CLCA4: variants seen among roughly 807,000 people sequenced by gnomAD.
CLCA4 encodes the protein calcium-activated chloride channel regulator 4.
Under a neutral mutation model 78.9 loss-of-function variants are expected in CLCA4, and 69 were observed. The ratio of observed to expected loss-of-function variants is 0.87; its 90% confidence interval spans 0.72 to 1.07. CLCA4 has a LOEUF of 1.07. Among genes scored for constraint, CLCA4 ranks in the 50% least tolerant of loss-of-function variants. The pLI, the probability that CLCA4 is intolerant of heterozygous loss-of-function variation, is 0.00. For missense variants in CLCA4, 1,133 were observed against 1,095.8 expected, an observed-to-expected ratio of 1.03 and a Z score of -0.48; for synonymous variants, 362 against 375.8, an observed-to-expected ratio of 0.96 and a Z score of 0.42.
intron 11 of CLCA4, among the ~76,000 whole-genome samples, chr1:86,576,170 G>GT (rs1040039403): frequency 6.6e-6 from 1 of 151,368 alleles, no homozygotes; most frequent in African/African-American, 2.4e-5. Context: ...TGTTTTTTTT[G>GT]TTTTTTTGAG....
chr1:86,547,887 C>T (rs990376383), intron 1 of CLCA4, among the ~76,000 whole-genome samples: 4 of 152,176 alleles, frequency 2.6e-5, no homozygotes, highest in African/African-American at 9.7e-5. Flanking sequence ...AGGTTGACTT[C>T]ACATCTTGGC....
rs151018989 is a variant in CLCA4, at chr1:86,561,190, C to G, written c.448+832C>G. ...TTCCATCATCTCCTCATGTCCCAAT[C>G]TTACCTCTTCCCTGTAATTATCCTG... is the stretch of plus-strand genomic sequence containing the variant. On this transcript the variant is annotated intron_variant, in intron 3 of 13. Transcript: ENST00000370563. Among the ~76,000 whole-genome samples the G allele has an allele frequency of 2.0e-5, 3 of 152,304 alleles. No homozygotes were observed. The East Asian group carries it at 5.8e-4, about 29-fold the overall frequency.
chr1:86,563,492 T>C (rs979644579), intron 3 of CLCA4, among the ~76,000 whole-genome samples, 169 bp from the exon 4 acceptor site: 7 of 152,072 alleles, frequency 4.6e-5, no homozygotes, highest in Admixed American at 3.9e-4. Context: ...TAGCATAATA[T>C]AATGTAATTT....
Position 86,566,087 on chromosome 1 carries a change from G to A in CLCA4, c.954+67G>A, listed in dbSNP as rs2231594. On this transcript the variant is annotated intron_variant, in intron 6 of 13. Coordinates refer to ENST00000370563, the MANE Select transcript of CLCA4 (RefSeq NM_012128.4). ...AAGATCCGAGAACACACTGAACTCT[G>A]TCTGCACCTAGATTGTTCTAAATTG... is the stretch of plus-strand genomic sequence containing the variant. The A allele has an allele frequency of 1.4e-4, 194 of 1,370,528 alleles. 1 individual carries two copies. The highest frequency in any genetic ancestry group is 1.8e-4 in the Non-Finnish European group (175 of 988,072). The allele number at this position is 1,370,528 out of a possible 1,614,324, so 84.9% of individuals were successfully genotyped here. A position where few individuals can be genotyped will look rare whatever the true frequency, so the allele number is the denominator to read the frequency against.
intron 1 of CLCA4, chr1:86,552,730 G>T: frequency 1.4e-6 from 2 of 1,429,704 alleles, no homozygotes; most frequent in Non-Finnish European, 2.0e-6. Context: ...CTTCACAGGG[G>T]CCCGGCCCGG....
At chr1:86,559,568 C>T (rs956013287) in intron 1 of CLCA4, among the ~76,000 whole-genome samples, 5 of 152,108 alleles carry the variant, frequency 3.3e-5, no homozygotes, top group Admixed American at 6.6e-5. Context: ...AACTGAGATT[C>T]GGAGCATTGC....
intron 1 of CLCA4, among the ~76,000 whole-genome samples, chr1:86,559,027 G>A (rs1649934841): frequency 6.6e-6 from 1 of 151,584 alleles, no homozygotes; most frequent in African/African-American, 2.4e-5. Context: ...ATTGTGTCTT[G>A]GGGATGATCT....
intron 4 of CLCA4, 88 bp downstream of exon 4, chr1:86,563,857 T>C (rs2101802485): frequency 6.0e-6 from 4 of 669,156 alleles, no homozygotes; most frequent in Non-Finnish European, 1.0e-5. Context: ...TCATTCTTAA[T>C]GCAGACAATA....
At chr1:86,547,414 G>T in intron 1 of CLCA4, 136 bp downstream of exon 1, 1 of 621,484 alleles carries the variant, frequency 1.6e-6, no homozygotes, top group Non-Finnish European at 2.5e-6. Flanking sequence ...GATCAAATCA[G>T]GGTAATTAGC....
At chr1:86,575,626 C>G (rs1469616389) in intron 11 of CLCA4, 27 bp downstream of exon 11, 9 of 1,596,508 alleles carry the variant, frequency 5.6e-6, no homozygotes, top group Non-Finnish European at 7.7e-6. Flanking sequence ...TATGAATAAG[C>G]CAATATTTTC....
At chr1:86,561,645 A>T (rs1650022168) in intron 3 of CLCA4, among the ~76,000 whole-genome samples, 1 of 152,172 alleles carries the variant, frequency 6.6e-6, no homozygotes, top group South Asian at 2.1e-4. Context: ...TTGATAAAAC[A>T]GAGGTCTCTA....
chr1:86,561,774 T>C (rs1320122176), intron 3 of CLCA4, among the ~76,000 whole-genome samples: 1 of 152,124 alleles, frequency 6.6e-6, no homozygotes, highest in Non-Finnish European at 1.5e-5. Context: ...AGTTATTGAT[T>C]TTTCCCGTAT....
At chr1:86,578,138 A>G in intron 12 of CLCA4, 66 bp downstream of exon 12, 2 of 1,426,822 alleles carry the variant, frequency 1.4e-6, no homozygotes, top group South Asian at 2.7e-5. Flanking sequence ...TGATATAATT[A>G]GGCTTCAAAC....
chr1:86,548,585 G>A (rs1163520647), intron 1 of CLCA4, among the ~76,000 whole-genome samples: 3 of 151,098 alleles, frequency 2.0e-5, no homozygotes, highest in Non-Finnish European at 4.4e-5. Flanking sequence ...AGGAGGCTGA[G>A]GCAGGAGAAT....
chr1:86,565,902 C>G lies in CLCA4; in HGVS notation c.836C>G (p.Ser279Cys). Residue 279 changes from serine (S) to cysteine (C), a missense_variant, in exon 6 of 14, where the codon TCT becomes TGT. Transcript: ENST00000370563. ...AGTACATGGGAGGTGATTAGCAATT[C>G]TGAGGATTTTAAAAACACCATACCC... ...FRSTWEVISN[S>C]EDFKNTIPMV... 6.2e-7 allele frequency: 1 copy of G among 1,612,570 alleles called. No homozygotes were observed. Among genetic ancestry groups the G allele is most frequent in the Non-Finnish European group, 8.5e-7 (1 of 1,178,792 alleles).
intron 4 of CLCA4, 134 bp from the exon 5 acceptor site, chr1:86,565,140 C>A: frequency 1.8e-6 from 1 of 564,602 alleles, no homozygotes; most frequent in Non-Finnish European, 3.1e-6. Flanking sequence ...ACCCTATAGC[C>A]AGGATAGGAA....
chr1:86,561,597 C>T (rs1225969943), intron 3 of CLCA4, among the ~76,000 whole-genome samples: 1 of 152,130 alleles, frequency 6.6e-6, no homozygotes, highest in Non-Finnish European at 1.5e-5. Context: ...CTCAAGATCT[C>T]CAGGCACTCT....
Position 86,560,353 on chromosome 1 carries a change from C to A in CLCA4, c.443C>A (p.Pro148Gln), listed in dbSNP as rs754394512. Residue 148 changes from proline (P) to glutamine (Q), a missense_variant, in exon 3 of 14, where the codon CCA becomes CAA. Coordinates refer to ENST00000370563, the MANE Select transcript of CLCA4 (RefSeq NM_012128.4). ...GGAAAAAAACAAAATGAATATGGAC[C>A]ACCAGGTAGAAATTTTGGTTAAAAA... is the stretch of plus-strand genomic sequence containing the variant. The part of the protein sequence containing the change: ...LLGKKQNEYG[P>Q]PGKLFVHEWA... The A allele has an allele frequency of 1.2e-6, 2 of 1,613,092 alleles. No individual in the cohort carries two copies. The highest frequency in any genetic ancestry group is 1.7e-5 in the Admixed American group (1 of 59,772).
intron 4 of CLCA4, among the ~76,000 whole-genome samples, chr1:86,564,133 G>A (rs1179277832): frequency 6.6e-6 from 1 of 152,088 alleles, no homozygotes; most frequent in Non-Finnish European, 1.5e-5. Context: ...GACTGAGTAA[G>A]AAATCAAGCA....
Sources: gnomAD v4.1 joint callset for allele counts (sites outside exome capture counted in the v4.1 genomes callset) on GRCh38, gnomAD v4.1.1 for gene constraint, MANE v1.5 for transcripts, NCBI Gene and HGNC (gene_info 2026-07-23, HGNC 2026-07-21) for gene names.